OSBP2: variants seen among roughly 807,000 people sequenced by gnomAD.
OSBP2 encodes oxysterol-binding protein 2.
Under a neutral mutation model 96.0 loss-of-function variants are expected in OSBP2, and 66 were observed. The ratio of observed to expected loss-of-function variants is 0.69; its 90% CI spans 0.56 to 0.84. The LOEUF (loss-of-function observed/expected upper bound fraction) is 0.84, where lower values mean the gene tolerates loss of function less well. Ranked by LOEUF, OSBP2 falls within the 40% of genes least tolerant of loss-of-function variation. The pLI is 0.00. For synonymous variants in OSBP2, 525 were observed against 520.9 expected, an observed-to-expected ratio of 1.01 and a Z score of -0.11; for missense variants, 1,038 against 1,222.7, an observed-to-expected ratio of 0.85 and a Z score of 2.25.
intron 2 of OSBP2, among the ~76,000 whole-genome samples, chr22:30,808,179 A>G (rs2090956202): frequency 6.6e-6 from 1 of 152,168 alleles, no homozygotes; most frequent in African/African-American, 2.4e-5. Context: ...AGCGAGGTAT[A>G]CACAGAAGAC....
At chr22:30,817,605 C>T (rs1413553798) in intron 2 of OSBP2, among the ~76,000 whole-genome samples, 1 of 152,200 alleles carries the variant, frequency 6.6e-6, no homozygotes, top group Non-Finnish European at 1.5e-5. Flanking sequence ...CTTGGGAAGA[C>T]AGGTGGGTGA....
intron 2 of OSBP2, among the ~76,000 whole-genome samples, chr22:30,787,224 C>T (rs2090603449): frequency 6.6e-6 from 1 of 152,100 alleles, no homozygotes; most frequent in African/African-American, 2.4e-5. Flanking sequence ...TTGAGTATGG[C>T]TGGGGAGGCC....
At chr22:30,895,182 G>A (rs2040036463) in intron 12 of OSBP2, among the ~76,000 whole-genome samples, 1 of 152,148 alleles carries the variant, frequency 6.6e-6, no homozygotes, top group Non-Finnish European at 1.5e-5. Context: ...TCGCTTCTGA[G>A]TGTATGAAGT....
intron 2 of OSBP2, among the ~76,000 whole-genome samples, chr22:30,790,583 C>T (rs1478224665): frequency 6.6e-6 from 1 of 151,052 alleles, no homozygotes. Flanking sequence ...TCTGTAGCTT[C>T]CAGGCAGTTT....
chr22:30,744,738 G>A (rs1048387409), intron 2 of OSBP2, among the ~76,000 whole-genome samples: 1 of 152,082 alleles, frequency 6.6e-6, no homozygotes, highest in Non-Finnish European at 1.5e-5. Flanking sequence ...TTCAGCCTGG[G>A]CAACAGAGTG....
intron 2 of OSBP2, among the ~76,000 whole-genome samples, chr22:30,854,811 C>T (rs1300700542): frequency 6.6e-6 from 1 of 152,148 alleles, no homozygotes. Context: ...CTAATAAAGA[C>T]ATACCCAAGA....
intron 3 of OSBP2, among the ~76,000 whole-genome samples, chr22:30,877,664 T>G (rs1235583768): frequency 6.6e-6 from 1 of 152,146 alleles, no homozygotes; most frequent in Non-Finnish European, 1.5e-5. Flanking sequence ...CTGAGCCCCC[T>G]AGGTGGGCTG....
intron 2 of OSBP2, among the ~76,000 whole-genome samples, chr22:30,859,633 C>T (rs1260593708): frequency 6.6e-6 from 1 of 152,160 alleles, no homozygotes; most frequent in Non-Finnish European, 1.5e-5. Flanking sequence ...CTCCACAGCC[C>T]AAAGAGCTGG....
chr22:30,889,285 G>A (rs967144568), intron 6 of OSBP2, 51 bp downstream of exon 6: 22 of 1,565,442 alleles, frequency 1.4e-5, no homozygotes, highest in Non-Finnish European at 1.7e-5. Flanking sequence ...CTGGCCTAGG[G>A]GGTGGGAGGG....
At chr22:30,724,483 A>C (rs1049832410) in intron 1 of OSBP2, among the ~76,000 whole-genome samples, 1 of 152,144 alleles carries the variant, frequency 6.6e-6, no homozygotes, top group Non-Finnish European at 1.5e-5. Context: ...GGCCTCCCAA[A>C]GTGCTGGGAT....
intron 2 of OSBP2, among the ~76,000 whole-genome samples, chr22:30,754,789 A>G (rs2090121255): frequency 6.6e-6 from 1 of 152,134 alleles, no homozygotes; most frequent in East Asian, 1.9e-4. Context: ...GTGCTGGGGC[A>G]GGGGTTGACC....
At chr22:30,755,088 C>T (rs548642164) in intron 2 of OSBP2, among the ~76,000 whole-genome samples, 3 of 152,198 alleles carry the variant, frequency 2.0e-5, no homozygotes, top group African/African-American at 7.2e-5. Context: ...AACGCCCTAG[C>T]CAGGATCAGC....
intron 2 of OSBP2, among the ~76,000 whole-genome samples, chr22:30,868,816 C>T (rs2039400846): frequency 1.3e-5 from 2 of 152,230 alleles, no homozygotes; most frequent in Admixed American, 1.3e-4. Context: ...ACCACGTGCA[C>T]TCGGAACAGT....
At chr22:30,900,828 A>G (rs2040178123) in intron 12 of OSBP2, among the ~76,000 whole-genome samples, 1 of 152,220 alleles carries the variant, frequency 6.6e-6, no homozygotes, top group Non-Finnish European at 1.5e-5. Flanking sequence ...AAAAGGATAA[A>G]TATCTTTTAG....
chr22:30,777,966 A>T (rs75321327), intron 2 of OSBP2, among the ~76,000 whole-genome samples: 2,020 of 152,186 alleles, frequency 0.013, 26 homozygotes, highest in Middle Eastern at 0.045. Context: ...TGCTATTAAA[A>T]ATGTTATAGT....
chr22:30,893,803 G>A lies in OSBP2; in HGVS notation c.2191-14G>A, dbSNP rs1276666528. ...CAGAGTCTGCACCTACGCTGGTCCTGCCAATGTCCACAGGTGACAGGAGTG... is the reference window on the plus strand; with the variant it reads ...CAGAGTCTGCACCTACGCTGGTCCTACCAATGTCCACAGGTGACAGGAGTG... On this transcript the variant is annotated splice_polypyrimidine_tract_variant and intron_variant, in intron 11 of 13. Transcript: ENST00000332585. 2.5e-6 allele frequency: 4 copies of A among 1,601,432 alleles called. No homozygotes were observed. The highest frequency in any genetic ancestry group is 2.6e-6 in the Non-Finnish European group (3 of 1,173,900).
chr22:30,835,718 C>CTTTTTTTT (rs538763182), intron 2 of OSBP2, among the ~76,000 whole-genome samples: 1 of 132,118 alleles, frequency 7.6e-6, no homozygotes, highest in African/African-American at 2.8e-5. Flanking sequence ...TATGTAGTTA[C>CTTTTTTTT]TTTTTTTTTT....
At chr22:30,764,301 G>C (rs2090243053) in intron 2 of OSBP2, 1 of 984,994 alleles carries the variant, frequency 1.0e-6, no homozygotes, top group East Asian at 1.1e-4. Context: ...GATGAGGAGG[G>C]GGTTGGGTGG....
At chr22:30,789,567 T>C (rs1289411144) in intron 2 of OSBP2, among the ~76,000 whole-genome samples, 1 of 152,084 alleles carries the variant, frequency 6.6e-6, no homozygotes. Context: ...TTACAGAGCA[T>C]ATAAAAATCA....
Sources: gnomAD v4.1 joint callset for allele counts (sites outside exome capture counted in the v4.1 genomes callset) on GRCh38, gnomAD v4.1.1 for gene constraint, MANE v1.5 for transcripts, NCBI Gene and HGNC (gene_info 2026-07-23, HGNC 2026-07-21) for gene names.